IREB2: variants seen among roughly 807,000 people sequenced by gnomAD.
The protein encoded by IREB2 is iron-responsive element-binding protein 2.
Under a neutral mutation model 118.8 loss-of-function variants are expected in IREB2, and 39 were observed. That is an observed-to-expected ratio of 0.33 (90% CI 0.25 to 0.43). The LOEUF is 0.43. Ranked by LOEUF, IREB2 falls within the 20% of genes least tolerant of loss-of-function variation. The pLI, the probability that IREB2 is intolerant of heterozygous loss-of-function variation, is 1.00. For synonymous variants in IREB2, 372 were observed against 392.2 expected, an observed-to-expected ratio of 0.95 and a Z score of 0.61; for missense variants, 900 against 1,147.3, an observed-to-expected ratio of 0.78 and a Z score of 3.11.
rs138198271 is a variant in IREB2, at chr15:78,484,781, A to G, written c.1434A>G (p.Gln478=). Residue 478 remains glutamine (Q), a synonymous_variant, in exon 12 of 22, where the codon CAA becomes CAG. Coordinates refer to ENST00000258886, the MANE Select transcript of IREB2 (RefSeq NM_004136.4). The stretch of plus-strand genomic sequence containing the variant: ...TATAGGTTGGATTTAAAGGCTTCCA[A>G]ATTGCAGCTGAAAAACAAAAGGATA... ...LNEKVGFKGF[Q]IAAEKQKDIV... 2.2e-5 allele frequency: 36 copies of G among 1,613,214 alleles called. No individual in the cohort carries two copies. The Admixed American group carries it at 3.8e-4, about 17-fold the overall frequency.
rs117432069 is a variant in IREB2, at chr15:78,464,829, C to T, written c.273-422C>T. On this transcript the variant is annotated intron_variant, in intron 3 of 21. Coordinates refer to ENST00000258886, the MANE Select transcript of IREB2 (RefSeq NM_004136.4). ...GCACACTGAAGGCATTTGATAAATG[C>T]TTGTTGTATAGTTGGCTGGATAGAT... 4.9e-4 allele frequency among the ~76,000 whole-genome samples: 75 copies of T among 152,190 alleles called. 3 individuals carry two copies. The East Asian group carries it at 0.014, about 29-fold the overall frequency.
intron 2 of IREB2, among the ~76,000 whole-genome samples, chr15:78,442,738 A>G (rs1567160449): frequency 3.3e-5 from 5 of 152,212 alleles, no homozygotes; most frequent in Admixed American, 2.0e-4. Context: ...AATCTCCGCA[A>G]GGATCTAGGC....
intron 13 of IREB2, among the ~76,000 whole-genome samples, chr15:78,487,485 G>A (rs1234931393): frequency 6.6e-6 from 1 of 152,130 alleles, no homozygotes; most frequent in East Asian, 1.9e-4. Flanking sequence ...TACTTAGGAG[G>A]CCAAGGAGCA....
chr15:78,466,564 C>A (rs1429372669), intron 5 of IREB2, 75 bp downstream of exon 5: 1 of 888,054 alleles, frequency 1.1e-6, no homozygotes, highest in Non-Finnish European at 1.8e-6. Flanking sequence ...TTATTCTCTT[C>A]CCACCCAATT....
chr15:78,484,127 G>A (rs1189551260), intron 11 of IREB2, among the ~76,000 whole-genome samples: 1 of 151,876 alleles, frequency 6.6e-6, no homozygotes, highest in Non-Finnish European at 1.5e-5. Context: ...GTAGCAAGTG[G>A]TCTCTGGCTT....
intron 2 of IREB2, among the ~76,000 whole-genome samples, chr15:78,456,368 C>T (rs1411453559): frequency 6.6e-6 from 1 of 152,044 alleles, no homozygotes; most frequent in East Asian, 1.9e-4. Flanking sequence ...GTTGAGTTAA[C>T]ATTTGTGGGA....
intron 9 of IREB2, chr15:78,476,576 T>G (rs999895171): frequency 2.8e-6 from 1 of 356,208 alleles, no homozygotes; most frequent in Admixed American, 4.0e-5. Context: ...AAAGGAATTA[T>G]TCAAACCATT....
Position 78,497,181 on chromosome 15 carries a change from T to C in IREB2, c.2651T>C (p.Ile884Thr), listed in dbSNP as rs773327393. 3.1e-6 allele frequency: 5 copies of C among 1,613,830 alleles called. No individual in the cohort carries two copies. The Admixed American group carries it at 5.0e-5, about 16-fold the overall frequency. The change falls in exon 21 of 22, where the codon ATT becomes ACT. Residue 884 changes from isoleucine to threonine, a missense_variant. Physicochemically the swap from Ile to Thr is moderately conservative, Grantham distance 89. Coordinates refer to ENST00000258886, the MANE Select transcript of IREB2 (RefSeq NM_004136.4). ...GAAAAAATACACAAAGATCATTTGATTGGAATTGGCATAGCTCCACTTCAG... is the reference window on the plus strand; with the variant it reads ...GAAAAAATACACAAAGATCATTTGACTGGAATTGGCATAGCTCCACTTCAG... ...SYEKIHKDHL[I>T]GIGIAPLQFL...
chr15:78,458,676 G>C (rs2051145990), intron 2 of IREB2, among the ~76,000 whole-genome samples: 1 of 152,070 alleles, frequency 6.6e-6, no homozygotes, highest in Non-Finnish European at 1.5e-5. Context: ...ACCTGCCACT[G>C]TTTCTAAATA....
rs766817454 is a variant in IREB2 at position 78,476,249 on chromosome 15, A to G, written c.1085A>G (p.Gln362Arg). 18 of 1,604,082 alleles carry G rather than the reference A, an allele frequency of 1.1e-5. No homozygotes were observed. The highest frequency in any genetic ancestry group is 1.5e-5 in the Non-Finnish European group (18 of 1,172,538). Residue 362 changes from glutamine (Q) to arginine (R), a missense_variant, in exon 9 of 22, where the codon CAA (glutamine) becomes CGA (arginine). Gln to Arg is a conservative substitution (Grantham distance 43, BLOSUM62 1). Coordinates refer to ENST00000258886, the MANE Select transcript of IREB2 (RefSeq NM_004136.4). ...GAGTTTTTTGGAAGTGGAGTTTCACAATTATCTATAGTTGATCGAACTACA... is the reference window on the plus strand; with the variant it reads ...GAGTTTTTTGGAAGTGGAGTTTCACGATTATCTATAGTTGATCGAACTACA... The part of the protein sequence containing the change: ...FVEFFGSGVS[Q>R]LSIVDRTTIA...
intron 2 of IREB2, among the ~76,000 whole-genome samples, chr15:78,451,282 A>G (rs1411535626): frequency 6.6e-6 from 1 of 151,988 alleles, no homozygotes; most frequent in African/African-American, 2.4e-5. Flanking sequence ...CACTTTTGAG[A>G]AACTTTTTGC....
At chr15:78,461,310 G>A (rs1234463850) in intron 2 of IREB2, among the ~76,000 whole-genome samples, 2 of 152,144 alleles carry the variant, frequency 1.3e-5, no homozygotes, top group Non-Finnish European at 2.9e-5. Context: ...AATGCACATA[G>A]AGACCTATGG....
rs1483902521 is a variant in IREB2 at position 78,493,961 on chromosome 15, G to A, written c.2377G>A (p.Val793Ile). 2.5e-6 allele frequency: 4 copies of A among 1,613,958 alleles called. No homozygotes were observed. The highest frequency in any genetic ancestry group is 1.7e-5 in the Admixed American group (1 of 60,030). Residue 793 changes from valine to isoleucine, a missense_variant, in exon 19 of 22, where the codon GTA (valine) becomes ATA (isoleucine). Transcript: ENST00000258886. ...CGGAGCTCGAAGAGGTAATGATGCT[G>A]TAATGACAAGAGGCACTTTTGCAAA... Reference protein sequence around the residue: ...SYGARRGNDAVMTRGTFANIK... With the variant: ...SYGARRGNDAIMTRGTFANIK...
chr15:78,469,058 C>T (rs968546982), intron 5 of IREB2, among the ~76,000 whole-genome samples: 1 of 152,148 alleles, frequency 6.6e-6, no homozygotes, highest in Non-Finnish European at 1.5e-5. Context: ...AACATTTCCC[C>T]ATAATTTTGA....
rs748932545 is a variant in IREB2 at position 78,466,455 on chromosome 15, A to G, written c.595A>G (p.Ile199Val). ...TTCTTCGCAGATTGAGAATACACCC[A>G]TCCTGTGTCCTTTTCATTTGCAACC... The part of the protein sequence containing the change: ...TFSSQIENTP[I>V]LCPFHLQPVP... The change falls in exon 5 of 22, where the codon ATC becomes GTC. Residue 199 changes from isoleucine (I) to valine (V), a missense_variant. Physicochemically the swap from Ile to Val is conservative, Grantham distance 29. Transcript: ENST00000258886. 5 of 1,613,944 alleles carry G rather than the reference A, an allele frequency of 3.1e-6. No individual in the cohort carries two copies. Among genetic ancestry groups the G allele is most frequent in the South Asian group, 1.1e-5 (1 of 91,078 alleles).
At chr15:78,491,864 A>C (rs1224226987) in intron 18 of IREB2, among the ~76,000 whole-genome samples, 1 of 152,228 alleles carries the variant, frequency 6.6e-6, no homozygotes, top group African/African-American at 2.4e-5. Flanking sequence ...GTGGTGAGAA[A>C]TAAGTTTCCT....
At chr15:78,470,679 T>A in intron 6 of IREB2, 78 bp downstream of exon 6, 1 of 654,418 alleles carries the variant, frequency 1.5e-6, no homozygotes, top group Non-Finnish European at 2.5e-6. Context: ...CTTTGTTTCT[T>A]TTTCTTTTCC....
At chr15:78,490,351 A>G in intron 16 of IREB2, 71 bp from the exon 17 acceptor site, 7 of 946,208 alleles carry the variant, frequency 7.4e-6, no homozygotes, top group South Asian at 6.5e-5. Flanking sequence ...TCCCTTGATC[A>G]TTTTCATGCG....
chr15:78,469,436 T>C (rs1222305946), intron 5 of IREB2, among the ~76,000 whole-genome samples: 1 of 150,410 alleles, frequency 6.6e-6, no homozygotes, highest in African/African-American at 2.4e-5. Context: ...AAAAAAAAAG[T>C]TGTCCGAGTG....
Sources: gnomAD v4.1 joint callset for allele counts (sites outside exome capture counted in the v4.1 genomes callset) on GRCh38, gnomAD v4.1.1 for gene constraint, MANE v1.5 for transcripts, NCBI Gene and HGNC (gene_info 2026-07-23, HGNC 2026-07-21) for gene names.